Variants in ADCY3 observed in about 807,000 individuals in gnomAD.
ADCY3 encodes adenylate cyclase 3.
In ADCY3, 70 loss-of-function variants were observed where a neutral mutation model predicts 119.4. The ratio of observed to expected loss-of-function variants is 0.59; its 90% CI spans 0.48 to 0.72. The LOEUF is 0.72. Ranked by LOEUF, ADCY3 falls within the 30% of genes least tolerant of loss-of-function variation. The probability of loss-of-function intolerance (pLI) is 0.00; values close to 1 mark genes in which losing one functional copy is unlikely to be tolerated. For synonymous variants in ADCY3, 672 were observed against 621.4 expected (o/e 1.08, Z -1.21); for missense variants, 1,238 against 1,541.6 (o/e 0.80, Z 3.30).
intron 3 of ADCY3, among the ~76,000 whole-genome samples, chr2:24,865,930 C>T (rs1674231279): frequency 6.6e-6 from 1 of 152,084 alleles, no homozygotes; most frequent in Admixed American, 6.5e-5. Context: ...ATGATGAGGG[C>T]TTTCAAGGGG....
intron 2 of ADCY3, among the ~76,000 whole-genome samples, chr2:24,889,884 C>T (rs1227284593): frequency 6.6e-6 from 1 of 152,212 alleles, no homozygotes; most frequent in Non-Finnish European, 1.5e-5. Flanking sequence ...CCAGACTGCA[C>T]AAGTCATGTG....
At chr2:24,911,882 A>ACTCCAAAAT (rs1428284018) in intron 2 of ADCY3, among the ~76,000 whole-genome samples, 12 of 152,096 alleles carry the variant, frequency 7.9e-5, no homozygotes, top group African/African-American at 2.7e-4. Context: ...GTGAGAAGGA[A>ACTCCAAAAT]CTCCAAAATC....
chr2:24,902,206 T>G (rs7563204), intron 2 of ADCY3, among the ~76,000 whole-genome samples: 78,402 of 149,624 alleles, frequency 0.52, 22,795 homozygotes, highest in African/African-American at 0.8. Flanking sequence ...TCAGTCTCCC[T>G]AGTGTCTGGG....
At chr2:24,868,333 C>T (rs936529279) in intron 3 of ADCY3, among the ~76,000 whole-genome samples, 23 of 152,178 alleles carry the variant, frequency 1.5e-4, no homozygotes, top group African/African-American at 5.6e-4. Context: ...AGATCTGTAG[C>T]ATTAAATGCA....
At chr2:24,845,552 A>C (rs1213014156) in intron 3 of ADCY3, among the ~76,000 whole-genome samples, 1 of 152,266 alleles carries the variant, frequency 6.6e-6, no homozygotes, top group Non-Finnish European at 1.5e-5. Context: ...GCAGCAAAGC[A>C]TTCAAGACGT....
chr2:24,870,666 C>G (rs1674880853), intron 3 of ADCY3, among the ~76,000 whole-genome samples: 1 of 152,310 alleles, frequency 6.6e-6, no homozygotes, highest in East Asian at 1.9e-4. Context: ...CCCTCAGGAG[C>G]CCTGGGGCAC....
chr2:24,833,761 T>G (rs1309566498), intron 11 of ADCY3, among the ~76,000 whole-genome samples: 1 of 152,236 alleles, frequency 6.6e-6, no homozygotes, highest in Admixed American at 6.5e-5. Flanking sequence ...GAGTGTCCGC[T>G]AGGGCAGGGG....
intron 2 of ADCY3, chr2:24,877,859 A>G (rs1675907229): frequency 1.3e-5 from 6 of 470,674 alleles, no homozygotes; most frequent in South Asian, 9.3e-5. Context: ...TCTGGGCCCA[A>G]GGGCAACAGC....
intron 2 of ADCY3, among the ~76,000 whole-genome samples, chr2:24,895,436 C>T (rs1678143835): frequency 6.6e-6 from 1 of 152,118 alleles, no homozygotes; most frequent in African/African-American, 2.4e-5. Flanking sequence ...TGTTGAGCTT[C>T]TTGAGTCATG....
At position 24,871,973 on chromosome 2, in the gene ADCY3, G is replaced by A. The variant is rs561422356; in HGVS notation, c.825+597C>T. The stretch of plus-strand genomic sequence containing the variant: ...CAAGGGCATCCCCGGGGAACAGGCT[G>A]GTTTTCCTTCTTCAGCAGTGACCTC... On this transcript the variant is annotated intron_variant, in intron 3 of 21. Coordinates refer to ENST00000679454, the MANE Select transcript of ADCY3 (RefSeq NM_004036.5). Among the ~76,000 whole-genome samples, 5 of 152,348 alleles carry A rather than the reference G, an allele frequency of 3.3e-5. No individual in the cohort carries two copies. The South Asian group carries it at 1.0e-3, about 32-fold the overall frequency.
chr2:24,875,750 T>C (rs1675611908), intron 2 of ADCY3, among the ~76,000 whole-genome samples: 1 of 152,224 alleles, frequency 6.6e-6, no homozygotes, highest in Admixed American at 6.5e-5. Flanking sequence ...GCACGCACTT[T>C]ATCAGCCTCA....
chr2:24,848,635 A>G (rs1241806945), intron 3 of ADCY3, among the ~76,000 whole-genome samples: 1 of 152,220 alleles, frequency 6.6e-6, no homozygotes, highest in African/African-American at 2.4e-5. Context: ...GGAAGGACAC[A>G]ATTCATTGCC....
In ADCY3 at chr2:24,827,613, T is replaced by G; in HGVS notation, c.2433-5A>C. ...TCTAAGGCCACCATAGGTAAGCTGT[T>G]GGACAGATAACAGCACAGTCAGGCC... On this transcript the variant is annotated splice_region_variant and splice_polypyrimidine_tract_variant and intron_variant, in intron 14 of 21. Transcript: ENST00000679454. 1 of 1,582,006 alleles carries G rather than the reference T, an allele frequency of 6.3e-7. No homozygotes were observed. Among genetic ancestry groups the G allele is most frequent in the Non-Finnish European group, 8.6e-7 (1 of 1,160,804 alleles).
At chr2:24,897,645 G>T (rs538721386) in intron 2 of ADCY3, among the ~76,000 whole-genome samples, 1 of 152,232 alleles carries the variant, frequency 6.6e-6, no homozygotes, top group African/African-American at 2.4e-5. Context: ...CCTTCTCATG[G>T]GTGATTTGAA....
intron 2 of ADCY3, among the ~76,000 whole-genome samples, chr2:24,894,495 T>A (rs1308046873): frequency 6.6e-6 from 1 of 152,092 alleles, no homozygotes; most frequent in East Asian, 1.9e-4. Context: ...TAACAATAAA[T>A]AAAGATAAAT....
At chr2:24,875,545 G>A (rs1675579168) in intron 2 of ADCY3, among the ~76,000 whole-genome samples, 1 of 152,254 alleles carries the variant, frequency 6.6e-6, no homozygotes, top group Admixed American at 6.5e-5. Flanking sequence ...CGCTTGTGGT[G>A]GGAGAGGCTC....
intron 2 of ADCY3, among the ~76,000 whole-genome samples, chr2:24,896,807 C>G (rs1678344616): frequency 6.6e-6 from 1 of 152,170 alleles, no homozygotes; most frequent in Admixed American, 6.5e-5. Flanking sequence ...AACCTTAGAA[C>G]TTGGTGTCTC....
intron 3 of ADCY3, among the ~76,000 whole-genome samples, chr2:24,859,224 C>A (rs997114117): frequency 1.3e-5 from 2 of 152,196 alleles, no homozygotes; most frequent in African/African-American, 2.4e-5. Context: ...TGGATTTGAC[C>A]CATTACATTA....
At chr2:24,822,737 A>C (rs1667964951) in intron 18 of ADCY3, 107 bp from the exon 19 acceptor site, 4 of 1,431,068 alleles carry the variant, frequency 2.8e-6, no homozygotes, top group Non-Finnish European at 3.8e-6. Flanking sequence ...CCCAAGAGAC[A>C]CTTTCCTATC....
Sources: gnomAD v4.1 joint callset for allele counts (sites outside exome capture counted in the v4.1 genomes callset) on GRCh38, gnomAD v4.1.1 for gene constraint, MANE v1.5 for transcripts, NCBI Gene and HGNC (gene_info 2026-07-23, HGNC 2026-07-21) for gene names.